THOC7: variants seen among roughly 807,000 people sequenced by gnomAD.
THOC7 encodes the protein THO complex subunit 7.
A neutral mutation model predicts 33.1 loss-of-function variants in THOC7; 22 were observed. That is an observed-to-expected ratio of 0.66 (90% CI 0.47 to 0.95). THOC7 has a LOEUF of 0.95. Among genes scored for constraint, THOC7 ranks in the 40% least tolerant of loss-of-function variants. THOC7 has a pLI of 0.00. For synonymous variants in THOC7, 77 were observed against 76.8 expected (o/e 1.00, Z -0.01); for missense variants, 184 against 245.3 (o/e 0.75, Z 1.67).
At chr3:63,863,514 C>T (rs1431871431) in intron 1 of THOC7, 5 of 1,188,690 alleles carry the variant, frequency 4.2e-6, no homozygotes, top group African/African-American at 1.6e-5. Context: ...CCTATAGCCC[C>T]GCGCTGCCTC....
chr3:63,837,884 G>T, intron 4 of THOC7, 92 bp downstream of exon 4: 1 of 1,111,244 alleles, frequency 9.0e-7, no homozygotes. Flanking sequence ...GGTTGATTCA[G>T]GCTGCAGATT....
intron 1 of THOC7, chr3:63,863,354 C>A: frequency 1.3e-6 from 1 of 779,774 alleles, no homozygotes; most frequent in South Asian, 5.9e-5. Context: ...CTAAGCCCGG[C>A]ACCACTGTCC....
chr3:63,836,152 T>A, intron 5 of THOC7, 149 bp downstream of exon 5: 1 of 653,084 alleles, frequency 1.5e-6, no homozygotes, highest in Non-Finnish European at 2.4e-6. Flanking sequence ...AAATAAAATC[T>A]AACAGAGAAG....
chr3:63,857,811 G>A (rs1301694199), intron 1 of THOC7, among the ~76,000 whole-genome samples: 1 of 152,182 alleles, frequency 6.6e-6, no homozygotes, highest in Non-Finnish European at 1.5e-5. Flanking sequence ...AAAACATCAT[G>A]TTGAGGTCCT....
chr3:63,853,316 A>C (rs1559608486), intron 1 of THOC7, among the ~76,000 whole-genome samples: 1 of 152,156 alleles, frequency 6.6e-6, no homozygotes, highest in Non-Finnish European at 1.5e-5. Flanking sequence ...TTCCCTGTCC[A>C]GGCATTCACA....
At chr3:63,849,882 T>C (rs1003551785) in intron 1 of THOC7, among the ~76,000 whole-genome samples, 4 of 152,208 alleles carry the variant, frequency 2.6e-5, no homozygotes, top group Non-Finnish European at 5.9e-5. Flanking sequence ...TCTCAAGCCC[T>C]ATAAGCAAAA....
At chr3:63,862,639 C>A (rs1192611305) in intron 1 of THOC7, among the ~76,000 whole-genome samples, 1 of 152,168 alleles carries the variant, frequency 6.6e-6, no homozygotes, top group African/African-American at 2.4e-5. Flanking sequence ...GAAATTTGGG[C>A]CTATCACTGT....
chr3:63,863,743 G>A, intron 1 of THOC7, 29 bp downstream of exon 1: 1 of 1,249,676 alleles, frequency 8.0e-7, no homozygotes, highest in Non-Finnish European at 1.0e-6. Context: ...CCGTGCAGCG[G>A]GCGCGTGTGG....
intron 1 of THOC7, among the ~76,000 whole-genome samples, chr3:63,857,431 A>G (rs1702135893): frequency 6.6e-6 from 1 of 152,238 alleles, no homozygotes; most frequent in Non-Finnish European, 1.5e-5. Flanking sequence ...TAAATGAACA[A>G]GAAGAGAGAC....
intron 1 of THOC7, among the ~76,000 whole-genome samples, chr3:63,859,992 C>G (rs1702178452): frequency 6.6e-6 from 1 of 152,186 alleles, no homozygotes; most frequent in Non-Finnish European, 1.5e-5. Context: ...TATTTTTAGA[C>G]AGGGTCTAGC....
rs1702053076 is a variant in THOC7, at chr3:63,853,283, A to G, written c.19+10489T>C. Among the ~76,000 whole-genome samples, 2 of 152,252 alleles carry G rather than the reference A, an allele frequency of 1.3e-5. 1 individual carries two copies. Among genetic ancestry groups the G allele is most frequent in the Non-Finnish European group, 2.9e-5 (2 of 68,010 alleles). ...GTGGCACAAGTAGGAGTGTGGCACC[A>G]CTAGTTCTGGCAGCACAGGGAATTC... On this transcript the variant is annotated intron_variant, in intron 1 of 7. Coordinates refer to ENST00000295899, the MANE Select transcript of THOC7 (RefSeq NM_025075.4).
At chr3:63,857,815 A>G (rs1299445561) in intron 1 of THOC7, among the ~76,000 whole-genome samples, 1 of 152,226 alleles carries the variant, frequency 6.6e-6, no homozygotes, top group African/African-American at 2.4e-5. Context: ...CATCATGTTG[A>G]GGTCCTTTGT....
chr3:63,845,334 G>A (rs1316587059), intron 1 of THOC7, among the ~76,000 whole-genome samples: 7 of 152,180 alleles, frequency 4.6e-5, no homozygotes, highest in Non-Finnish European at 8.8e-5. Flanking sequence ...CACTGGCAAT[G>A]ACTACATTGT....
intron 1 of THOC7, among the ~76,000 whole-genome samples, chr3:63,849,213 C>T (rs1701970474): frequency 6.6e-6 from 1 of 152,146 alleles, no homozygotes; most frequent in South Asian, 2.1e-4. Context: ...ATGGTGAAAC[C>T]CTGTCTCTAC....
intron 1 of THOC7, chr3:63,860,825 G>T (rs947637167): frequency 6.6e-6 from 1 of 152,084 alleles, no homozygotes; most frequent in Non-Finnish European, 1.5e-5. Context: ...TATAAATAAC[G>T]TATTAAGGGT....
At position 63,834,314 on chromosome 3, in the gene THOC7, G is replaced by A; in HGVS notation, c.548-115C>T. Reference sequence around the variant, plus strand: ...AGCCAATACAATTAAAGCTAAGATGGCTACTAGTTGAATCAAACTTTAAAA... The same window carrying A: ...AGCCAATACAATTAAAGCTAAGATGACTACTAGTTGAATCAAACTTTAAAA... On this transcript the variant is annotated intron_variant, in intron 7 of 7. Transcript: ENST00000295899. 6 of 942,332 alleles carry A rather than the reference G, an allele frequency of 6.4e-6. No individual in the cohort carries two copies. In the South Asian group the frequency reaches 9.8e-5, roughly 15 times the overall value. The allele number at this position is 942,332 out of a possible 1,614,324, so 58.4% of individuals were successfully genotyped here.
At chr3:63,853,161 A>G (rs1346414826) in intron 1 of THOC7, among the ~76,000 whole-genome samples, 2 of 151,364 alleles carry the variant, frequency 1.3e-5, no homozygotes, top group East Asian at 3.9e-4. Context: ...AAAAAAGAAA[A>G]AAAAAAAAAA....
At chr3:63,859,893 CA>C (rs1702175171) in intron 1 of THOC7, among the ~76,000 whole-genome samples, 1 of 152,204 alleles carries the variant, frequency 6.6e-6, no homozygotes, top group African/African-American at 2.4e-5. Flanking sequence ...TCTAGATATT[CA>C]ATCAAAAAAC....
chr3:63,861,846 G>C (rs1445724762), intron 1 of THOC7: 1 of 151,236 alleles, frequency 6.6e-6, no homozygotes, highest in Non-Finnish European at 1.5e-5. Flanking sequence ...AGACTGGAGT[G>C]CACTGGCGCG....
Sources: allele counts gnomAD v4.1 joint callset (sites outside exome capture counted in the v4.1 genomes callset), GRCh38; gene constraint gnomAD v4.1.1; transcripts MANE v1.5; gene names NCBI Gene and HGNC (gene_info 2026-07-23, HGNC 2026-07-21).